Variants in SLC35F3 observed in about 807,000 individuals in gnomAD.
SLC35F3 encodes solute carrier family 35 member F3, also known as putative thiamine transporter SLC35F3.
A neutral mutation model predicts 49.9 loss-of-function variants in SLC35F3; 25 were observed. The observed-to-expected ratio is 0.50, with a 90% CI of 0.37 to 0.70. The LOEUF (loss-of-function observed/expected upper bound fraction) is 0.70. Ranked by LOEUF, SLC35F3 falls within the 30% of genes least tolerant of loss-of-function variation. The probability of loss-of-function intolerance (pLI) is 0.00; values close to 1 mark genes in which losing one functional copy is unlikely to be tolerated. For missense variants in SLC35F3, 525 were observed against 639.8 expected (o/e 0.82, Z 1.94); for synonymous variants, 275 against 265.4 (o/e 1.04, Z -0.35).
chr1:234,204,633 T>G (rs75912100), intron 2 of SLC35F3, among the ~76,000 whole-genome samples: 2,440 of 152,244 alleles, frequency 0.016, 67 homozygotes, highest in African/African-American at 0.056. Flanking sequence ...ACTAGATAAT[T>G]TTAGGAACAA....
chr1:233,967,446 G>A (rs1237163959), intron 2 of SLC35F3, among the ~76,000 whole-genome samples: 2 of 152,118 alleles, frequency 1.3e-5, no homozygotes, highest in Non-Finnish European at 2.9e-5. Flanking sequence ...AACAATTGAG[G>A]ATCTCATAGT....
intron 2 of SLC35F3, among the ~76,000 whole-genome samples, chr1:234,148,231 C>T (rs1666025738): frequency 6.6e-6 from 1 of 152,180 alleles, no homozygotes; most frequent in Non-Finnish European, 1.5e-5. Context: ...GAGCTTTCCT[C>T]TGACCTCCTT....
At chr1:234,134,372 A>C (rs1665779082) in intron 2 of SLC35F3, among the ~76,000 whole-genome samples, 1 of 148,824 alleles carries the variant, frequency 6.7e-6, no homozygotes, top group Non-Finnish European at 1.5e-5. Flanking sequence ...GTATATAAAT[A>C]TAAATTCATT....
chr1:234,039,842 A>G (rs1163539832), intron 2 of SLC35F3, among the ~76,000 whole-genome samples: 1 of 152,050 alleles, frequency 6.6e-6, no homozygotes, highest in Non-Finnish European at 1.5e-5. Flanking sequence ...GGTGCCTGCA[A>G]CCCCAAGGCC....
chr1:234,012,474 A>C (rs1663738217), intron 2 of SLC35F3, among the ~76,000 whole-genome samples: 1 of 152,218 alleles, frequency 6.6e-6, no homozygotes, highest in Admixed American at 6.5e-5. Flanking sequence ...AAACCTTGGA[A>C]AATACCCAGC....
At chr1:234,078,917 G>A (rs1286807384) in intron 2 of SLC35F3, among the ~76,000 whole-genome samples, 1 of 152,092 alleles carries the variant, frequency 6.6e-6, no homozygotes, top group Non-Finnish European at 1.5e-5. Context: ...TCTGCAAAGA[G>A]AGAATTAAAA....
intron 2 of SLC35F3, among the ~76,000 whole-genome samples, chr1:234,003,189 G>T (rs914148632): frequency 4.7e-5 from 7 of 148,272 alleles, no homozygotes; most frequent in Non-Finnish European, 9.1e-5. Context: ...TGGTAACAAT[G>T]TTTTTAAATA....
intron 2 of SLC35F3, among the ~76,000 whole-genome samples, chr1:234,133,187 A>C (rs1182692578): frequency 6.6e-6 from 1 of 152,082 alleles, no homozygotes; most frequent in African/African-American, 2.4e-5. Context: ...TTTCTCTTTC[A>C]TTTACTTAAA....
chr1:234,283,896 GAC>G (rs1368379249), intron 3 of SLC35F3, among the ~76,000 whole-genome samples: 1 of 152,126 alleles, frequency 6.6e-6, no homozygotes, highest in Non-Finnish European at 1.5e-5. Flanking sequence ...GCAATCTTTA[GAC>G]ACAATATCAA....
At position 234,095,878 on chromosome 1, in the gene SLC35F3, G is replaced by A. The variant is rs531236952; in HGVS notation, c.284-135539G>A. 5.3e-5 allele frequency among the ~76,000 whole-genome samples: 8 copies of A among 152,280 alleles called. No homozygotes were observed. The South Asian group carries it at 1.5e-3, about 28-fold the overall frequency. ...TCACTTAGCACTTGGAAATGTGCCT[G>A]GCACATCATAAAGTCTCATGAAGTA... is the stretch of plus-strand genomic sequence containing the variant. On this transcript the variant is annotated intron_variant, in intron 2 of 7. Coordinates refer to ENST00000366618, the MANE Select transcript of SLC35F3 (RefSeq NM_173508.4).
chr1:234,033,197 A>G (rs1337032785), intron 2 of SLC35F3, among the ~76,000 whole-genome samples: 1 of 151,772 alleles, frequency 6.6e-6, no homozygotes, highest in African/African-American at 2.4e-5. Context: ...CCACTTTTTG[A>G]GGGGATTTTT....
chr1:234,214,598 G>A lies in SLC35F3; in HGVS notation c.284-16819G>A, dbSNP rs1422736286. ...AGGTAATGCGCGGCCGCCTCGCCCC[G>A]GGGGTCCCTGCACCCTAGCCGGGGA... On this transcript the variant is annotated intron_variant, in intron 2 of 7. Coordinates refer to ENST00000366618, the MANE Select transcript of SLC35F3 (RefSeq NM_173508.4). This position sits in a 1 kb window ranked among gnomAD's most constrained non-coding sequence, Gnocchi z 8.0. 1 of 1,520,488 alleles carries A rather than the reference G, an allele frequency of 6.6e-7. No individual in the cohort carries two copies. The highest frequency in any genetic ancestry group is 8.8e-7 in the Non-Finnish European group (1 of 1,134,276). The allele number at this position is 1,520,488 out of a possible 1,614,324, so 94.2% of individuals were successfully genotyped here. A position where few individuals can be genotyped will look rare whatever the true frequency, so the allele number is the denominator to read the frequency against.
intron 3 of SLC35F3, among the ~76,000 whole-genome samples, chr1:234,278,001 C>T (rs1244454648): frequency 6.6e-6 from 1 of 152,104 alleles, no homozygotes; most frequent in Non-Finnish European, 1.5e-5. Context: ...TACAACCAGC[C>T]TGGGCAACAT....
At chr1:234,041,572 C>T (rs1316398333) in intron 2 of SLC35F3, among the ~76,000 whole-genome samples, 1 of 152,028 alleles carries the variant, frequency 6.6e-6, no homozygotes, top group Non-Finnish European at 1.5e-5. Context: ...TGCATTCACA[C>T]TCACACACAC....
chr1:234,161,153 A>G (rs1278605718), intron 2 of SLC35F3, among the ~76,000 whole-genome samples: 2 of 152,116 alleles, frequency 1.3e-5, no homozygotes, highest in African/African-American at 4.8e-5. Flanking sequence ...GCCTTGGTTC[A>G]GTTACTTTTT....
intron 3 of SLC35F3, among the ~76,000 whole-genome samples, chr1:234,271,171 G>T (rs1246421056): frequency 6.6e-6 from 1 of 152,180 alleles, no homozygotes; most frequent in Non-Finnish European, 1.5e-5. Context: ...TAAATTTAAA[G>T]ATGTGTGGGA....
intron 2 of SLC35F3, among the ~76,000 whole-genome samples, chr1:234,176,443 T>C (rs1433352151): frequency 6.6e-6 from 1 of 152,196 alleles, no homozygotes; most frequent in African/African-American, 2.4e-5. Flanking sequence ...AACTCACGCT[T>C]GTTCCACTCA....
At chr1:234,033,063 G>C (rs1302645346) in intron 2 of SLC35F3, among the ~76,000 whole-genome samples, 1 of 151,870 alleles carries the variant, frequency 6.6e-6, no homozygotes, top group Non-Finnish European at 1.5e-5. Flanking sequence ...GCAGGAGTAA[G>C]ATGATATCCC....
intron 2 of SLC35F3, among the ~76,000 whole-genome samples, chr1:234,100,970 C>T (rs749614939): frequency 6.6e-6 from 1 of 152,172 alleles, no homozygotes; most frequent in Non-Finnish European, 1.5e-5. Flanking sequence ...ACCCATCACT[C>T]TTCATTTCAC....
Sources: allele counts gnomAD v4.1 joint callset (sites outside exome capture counted in the v4.1 genomes callset), GRCh38; gene constraint gnomAD v4.1.1; non-coding constraint Gnocchi (gnomAD v3.1); transcripts MANE v1.5; gene names NCBI Gene and HGNC (gene_info 2026-07-23, HGNC 2026-07-21).